DLEC1: variants seen among roughly 807,000 people sequenced by gnomAD.
DLEC1 encodes the protein deleted in lung and esophageal cancer protein 1.
A neutral mutation model predicts 198.1 loss-of-function variants in DLEC1; 146 were observed. The observed-to-expected ratio is 0.74, with a 90% confidence interval of 0.64 to 0.85. The LOEUF (loss-of-function observed/expected upper bound fraction) is 0.85. Among genes scored for constraint, DLEC1 ranks in the 40% least tolerant of loss-of-function variants. The pLI is 0.00. For synonymous variants in DLEC1, 897 were observed against 866.8 expected (o/e 1.03, Z -0.61); for missense variants, 2,233 against 2,220.0 (o/e 1.01, Z -0.12).
At chr3:38,046,551 C>T (rs920222164) in intron 2 of DLEC1, among the ~76,000 whole-genome samples, 2 of 152,162 alleles carry the variant, frequency 1.3e-5, no homozygotes, top group African/African-American at 4.8e-5. Context: ...AACTGTGAGT[C>T]CATTAAACCT....
At position 38,096,687 on chromosome 3, in the gene DLEC1, A is replaced by G. The variant is rs377290650; in HGVS notation, c.2290A>G (p.Ile764Val). ...FQVLLEPYAL[I>V]IPGENYIGIN... ...GGTTCTCTTAGAGCCATATGCCCTC[A>G]TCATCCCAGGGGAGAACTACATTGG... is the stretch of plus-strand genomic sequence containing the variant. The change falls in exon 15 of 37, where the codon ATC becomes GTC. Residue 764 changes from isoleucine to valine, a missense_variant. By Grantham distance (29) the Ile-to-Val change is conservative. Coordinates refer to ENST00000308059, the MANE Select transcript of DLEC1 (RefSeq NM_007335.4). The G allele has an allele frequency of 3.7e-6, 6 of 1,613,296 alleles. No homozygotes were observed. The African/African-American group carries it at 8.0e-5, about 22-fold the overall frequency.
intron 26 of DLEC1, 144 bp from the exon 27 acceptor site, chr3:38,114,839 C>A: frequency 2.8e-6 from 2 of 721,916 alleles, no homozygotes; most frequent in Non-Finnish European, 4.6e-6. Flanking sequence ...GGGAAGGCAC[C>A]AGCCCCAGGT....
chr3:38,041,248 C>T (rs971138131), intron 1 of DLEC1, among the ~76,000 whole-genome samples: 5 of 151,922 alleles, frequency 3.3e-5, no homozygotes, highest in Non-Finnish European at 5.9e-5. Flanking sequence ...GTGATCTGCC[C>T]ACCTTGGCCT....
At chr3:38,084,066 A>C in intron 6 of DLEC1, 92 bp from the exon 7 acceptor site, 2 of 1,264,644 alleles carry the variant, frequency 1.6e-6, no homozygotes, top group Non-Finnish European at 2.3e-6. Flanking sequence ...TTCTACCTCT[A>C]CCCCCTTCTC....
intron 6 of DLEC1, 117 bp from the exon 7 acceptor site, chr3:38,084,041 C>A: frequency 3.2e-6 from 3 of 943,164 alleles, no homozygotes; most frequent in Admixed American, 2.1e-5. Context: ...CAACATGTGG[C>A]CAAGCCTATT....
chr3:38,095,529 G>C, intron 13 of DLEC1: 1 of 329,712 alleles, frequency 3.0e-6, no homozygotes, highest in South Asian at 4.0e-5. Context: ...TTGTTAGTGG[G>C]TTTGGGGCTG....
At chr3:38,097,429 C>A in intron 16 of DLEC1, 78 bp from the exon 17 acceptor site, 1 of 1,593,978 alleles carries the variant, frequency 6.3e-7, no homozygotes, top group South Asian at 1.1e-5. Flanking sequence ...TCTGTGCAAG[C>A]CAGATGTCTG....
At chr3:38,065,692 T>A (rs767247552) in intron 6 of DLEC1, among the ~76,000 whole-genome samples, 77 of 152,340 alleles carry the variant, frequency 5.1e-4, no homozygotes, top group Non-Finnish European at 9.8e-4. Context: ...ATAGTACCAC[T>A]GTCACACCCA....
At chr3:38,060,004 G>T (rs1696597093) in intron 3 of DLEC1, 152 bp downstream of exon 3, 1 of 665,644 alleles carries the variant, frequency 1.5e-6, no homozygotes, top group Non-Finnish European at 2.5e-6. Flanking sequence ...TCAAATCTGA[G>T]CATCTGAGCA....
intron 2 of DLEC1, among the ~76,000 whole-genome samples, chr3:38,047,056 G>A (rs774130579): frequency 1.3e-5 from 2 of 152,194 alleles, no homozygotes; most frequent in Non-Finnish European, 2.9e-5. Context: ...GTCACGTGAT[G>A]TTAACCTCCA....
rs373618183 is a variant in DLEC1 at position 38,047,448 on chromosome 3, T to C, written c.562+1755T>C. Reference sequence around the variant, plus strand: ...TTAGGATAATCCCATTTTTATAGTATAGATGCATGAAAAAAAGCTGAAAAT... The same window carrying C: ...TTAGGATAATCCCATTTTTATAGTACAGATGCATGAAAAAAAGCTGAAAAT... On this transcript the variant is annotated intron_variant, in intron 2 of 36. Coordinates refer to ENST00000308059, the MANE Select transcript of DLEC1 (RefSeq NM_007335.4). 2.2e-4 allele frequency among the ~76,000 whole-genome samples: 34 copies of C among 152,322 alleles called. 2 individuals carry two copies. Among genetic ancestry groups the C allele is most frequent in the East Asian group, 1.9e-3 (10 of 5,194 alleles).
intron 2 of DLEC1, among the ~76,000 whole-genome samples, chr3:38,054,929 A>G (rs1696275956): frequency 6.6e-6 from 1 of 152,242 alleles, no homozygotes; most frequent in Admixed American, 6.5e-5. Flanking sequence ...AGAATGCTTG[A>G]GATATTTACA....
intron 1 of DLEC1, among the ~76,000 whole-genome samples, chr3:38,040,618 C>G (rs893254764): frequency 6.6e-6 from 1 of 152,222 alleles, no homozygotes; most frequent in African/African-American, 2.4e-5. Context: ...TCTGCTAAGA[C>G]TTCAGCCTAC....
Position 38,122,608 on chromosome 3 carries a change from G to A in DLEC1, c.*196G>A. 1 of 1,565,852 alleles carries A rather than the reference G, an allele frequency of 6.4e-7. No individual in the cohort carries two copies. The highest frequency in any genetic ancestry group is 8.6e-7 in the Non-Finnish European group (1 of 1,160,082). ...ATATGTCCTCAGAGCTAACATAAAGGACAGGCCACACCACAGCAGAGACCA... is the reference window on the plus strand; with the variant it reads ...ATATGTCCTCAGAGCTAACATAAAGAACAGGCCACACCACAGCAGAGACCA... On this transcript the variant is annotated 3_prime_UTR_variant, in exon 37 of 37. Coordinates refer to ENST00000308059, the MANE Select transcript of DLEC1 (RefSeq NM_007335.4).
chr3:38,120,176 A>G (rs1357638956), intron 33 of DLEC1, among the ~76,000 whole-genome samples: 1 of 152,176 alleles, frequency 6.6e-6, no homozygotes, highest in Non-Finnish European at 1.5e-5. Context: ...AGCCCTGGGC[A>G]TTTGAAGCTG....
At chr3:38,081,097 A>G (rs1470307899) in intron 6 of DLEC1, among the ~76,000 whole-genome samples, 4 of 139,520 alleles carry the variant, frequency 2.9e-5, no homozygotes, top group Non-Finnish European at 6.2e-5. Flanking sequence ...CCCTGAGTGG[A>G]CACAGCACAT....
chr3:38,062,852 A>C lies in DLEC1; in HGVS notation c.1094+51A>C, dbSNP rs762343950. The stretch of plus-strand genomic sequence containing the variant: ...TCAGAAAACCTGGCCCATGAGAGTT[A>C]ACCTAGATGGTCCTCCGTTTGGTCT... On this transcript the variant is annotated intron_variant, in intron 5 of 36. Transcript: ENST00000308059. The C allele has an allele frequency of 1.9e-6, 3 of 1,584,906 alleles. No homozygotes were observed. In the East Asian group the frequency reaches 6.7e-5, roughly 35 times the overall value.
At chr3:38,050,286 G>A (rs1701052585) in intron 2 of DLEC1, among the ~76,000 whole-genome samples, 1 of 152,028 alleles carries the variant, frequency 6.6e-6, no homozygotes, top group Non-Finnish European at 1.5e-5. Context: ...CCCAGGCTGA[G>A]TTTCCAGATA....
In DLEC1 at chr3:38,082,446, G is replaced by T. The variant is rs1164955865; in HGVS notation, c.1174-1712G>T. ...GCACTTTGGGAGGCCAAGGCAGGCG[G>T]CTGCTCCTTGCCCTCGGGCCCCGCG... On this transcript the variant is annotated intron_variant, in intron 6 of 36. Transcript: ENST00000308059. Among the ~76,000 whole-genome samples the T allele has an allele frequency of 2.6e-5, 4 of 152,030 alleles. No individual in the cohort carries two copies. In the South Asian group the frequency reaches 8.3e-4, roughly 32 times the overall value.
Sources: gnomAD v4.1 joint callset for allele counts (sites outside exome capture counted in the v4.1 genomes callset) on GRCh38, gnomAD v4.1.1 for gene constraint, MANE v1.5 for transcripts, NCBI Gene and HGNC (gene_info 2026-07-23, HGNC 2026-07-21) for gene names.